NCR3: variants seen among roughly 807,000 people sequenced by gnomAD.
The protein encoded by NCR3 is NK-p30.
NCR3 carries 13 observed loss-of-function variants against 16.1 expected under a neutral mutation model. The ratio of observed to expected loss-of-function variants is 0.81; its 90% CI spans 0.53 to 1.28. The LOEUF (loss-of-function observed/expected upper bound fraction) is 1.28. Ranked by LOEUF, NCR3 falls within the 50% of genes most tolerant of loss-of-function variation. NCR3 has a pLI of 0.00. For missense variants in NCR3, 202 were observed against 256.8 expected (o/e 0.79, Z 1.46); for synonymous variants, 98 against 106.6 (o/e 0.92, Z 0.50).
At position 31,588,949 on chromosome 6, in the gene NCR3, G is replaced by T. The variant is rs952212391; in HGVS notation, c.*118C>A. The T allele has an allele frequency of 5.0e-5, 59 of 1,179,368 alleles. No individual in the cohort carries two copies. In the African/African-American group the frequency reaches 8.5e-4, roughly 17 times the overall value. The allele number at this position is 1,179,368 out of a possible 1,614,324, so 73.1% of individuals were successfully genotyped here. On this transcript the variant is annotated 3_prime_UTR_variant, in exon 4 of 4. Coordinates refer to ENST00000340027, the MANE Select transcript of NCR3 (RefSeq NM_147130.3). The stretch of plus-strand genomic sequence containing the variant: ...AGTAATTTATTGGGTGAATGACAGT[G>T]TTCAGGGACCCAAGCTCCCCTAACA...
At position 31,589,596 on chromosome 6, in the gene NCR3, A is replaced by G; in HGVS notation, c.426T>C (p.Leu142=). ...AGCTGACAGCATAGAATCCAGCCCG[A>G]AGGAGGAGGACTGTACCAGCCCCTA... ...PQLGAGTVLL[L]RAGFYAVSFL... Residue 142 remains leucine (L), a synonymous_variant, in exon 3 of 4, where the codon CTT becomes CTC. Transcript: ENST00000340027. The surrounding 1 kb of genome is among the most constrained non-coding windows in gnomAD (Gnocchi z 4.8). The G allele has an allele frequency of 6.2e-7, 1 of 1,613,694 alleles. No homozygotes were observed. Among genetic ancestry groups the G allele is most frequent in the Non-Finnish European group, 8.5e-7 (1 of 1,179,958 alleles).
Position 31,589,097 on chromosome 6 carries a change from T to G in NCR3, c.576A>C (p.Ala192=). The change falls in exon 4 of 4, where the codon GCA becomes GCC. Residue 192 remains alanine, a synonymous_variant. Transcript: ENST00000340027. This position sits in a 1 kb window ranked among gnomAD's most constrained non-coding sequence, Gnocchi z 4.8. ...APLPPPCGSS[A]HLLPPVPGG ...CTCCTGGGACTGGGGGAAGCAGATG[T>G]GCTGAGCTCCCACATGGTGGTGGGA... 1 of 1,606,386 alleles carries G rather than the reference T, an allele frequency of 6.2e-7. No individual in the cohort carries two copies. Among genetic ancestry groups the G allele is most frequent in the Non-Finnish European group, 8.5e-7 (1 of 1,175,758 alleles).
chr6:31,590,250 T>G, intron 1 of NCR3, 124 bp from the exon 2 acceptor site: 1 of 739,590 alleles, frequency 1.4e-6, no homozygotes. Context: ...ATAGATACTT[T>G]GGGTGCCTCA....
Position 31,589,414 on chromosome 6 carries a change from C to T in NCR3, c.496+112G>A. ...CTGGTCAGAGAGAGGACAGGAGCTG[C>T]TCAGTGTTGCAGTCCCGAGGCTCTC... On this transcript the variant is annotated intron_variant, in intron 3 of 3. Coordinates refer to ENST00000340027, the MANE Select transcript of NCR3 (RefSeq NM_147130.3). This position sits in a 1 kb window ranked among gnomAD's most constrained non-coding sequence, Gnocchi z 4.8. 6.4e-7 allele frequency: 1 copy of T among 1,555,058 alleles called. No individual in the cohort carries two copies. The highest frequency in any genetic ancestry group is 8.7e-7 in the Non-Finnish European group (1 of 1,148,098).
rs1233118364 is a variant in NCR3, at chr6:31,589,788, C to A, written c.382G>T (p.Glu128Ter). ...CCACCTCCCAGCATCTCACCTTTCT[C>A]CACCACCAGCCGAGTCCCATTCCCT... is the stretch of plus-strand genomic sequence containing the variant. ...GTGNGTRLVV[E>*]KEHPQLGAGT... The change falls in exon 2 of 4, where the codon GAG (glutamate) becomes TAG (stop). Residue 128 changes from glutamate to a stop codon, truncating the protein, a stop_gained. Transcript: ENST00000340027. LOFTEE classifies it high-confidence loss of function. The surrounding 1 kb of genome is among the most constrained non-coding windows in gnomAD (Gnocchi z 4.8). The A allele has an allele frequency of 6.2e-7, 1 of 1,609,646 alleles. No individual in the cohort carries two copies. The highest frequency in any genetic ancestry group is 8.5e-7 in the Non-Finnish European group (1 of 1,177,510).
chr6:31,590,054 C>A lies in NCR3; in HGVS notation c.116G>T (p.Cys39Phe). The A allele has an allele frequency of 6.2e-7, 1 of 1,612,990 alleles. No individual in the cohort carries two copies. The highest frequency in any genetic ancestry group is 8.5e-7 in the Non-Finnish European group (1 of 1,180,018). ...TLEGSSAFLP[C>F]SFNASQGRLA... ...TCTCCCTTGGCTGGCATTGAAGGAG[C>A]AGGGCAGGAAGGCAGAGGATCCTTC... The change falls in exon 2 of 4, where the codon TGC becomes TTC. Residue 39 changes from cysteine (C) to phenylalanine (F), a missense_variant. Cys to Phe is a radical substitution (Grantham distance 205, BLOSUM62 -2). Coordinates refer to ENST00000340027, the MANE Select transcript of NCR3 (RefSeq NM_147130.3).
chr6:31,592,854 C>T lies in NCR3; in HGVS notation c.-133G>A. On this transcript the variant is annotated 5_prime_UTR_variant, in exon 1 of 4. Coordinates refer to ENST00000340027, the MANE Select transcript of NCR3 (RefSeq NM_147130.3). ...GGAGCTTCCTATGACACACGGGACT[C>T]ACACATCACTTGCCAAGGACCACAA... 1 of 876,528 alleles carries T rather than the reference C, an allele frequency of 1.1e-6. No homozygotes were observed. The highest frequency in any genetic ancestry group is 1.9e-6 in the Non-Finnish European group (1 of 536,166). The allele number at this position is 876,528 out of a possible 1,614,324, so 54.3% of individuals were successfully genotyped here. A position where few individuals can be genotyped will look rare whatever the true frequency, so the allele number is the denominator to read the frequency against.
intron 1 of NCR3, 119 bp from the exon 2 acceptor site, chr6:31,590,245 T>C (rs1251834262): frequency 4.0e-6 from 3 of 757,740 alleles, no homozygotes; most frequent in African/African-American, 4.6e-5. Flanking sequence ...TGGGAATAGA[T>C]ACTTTGGGTG....
chr6:31,592,074 AC>A (rs1472307085), intron 1 of NCR3, among the ~76,000 whole-genome samples: 1 of 152,092 alleles, frequency 6.6e-6, no homozygotes, highest in Non-Finnish European at 1.5e-5. Flanking sequence ...ACATGGTAAA[AC>A]CCTGTCTCTA....
In NCR3 at chr6:31,588,914, G is replaced by T; in HGVS notation, c.*153C>A. On this transcript the variant is annotated 3_prime_UTR_variant, in exon 4 of 4. Transcript: ENST00000340027. ...CATGGCTCACCCTTCCACCCACTCT[G>T]GGGTCAAATAGTAATTTATTGGGTG... 1 of 961,080 alleles carries T rather than the reference G, an allele frequency of 1.0e-6. No individual in the cohort carries two copies. Among genetic ancestry groups the T allele is most frequent in the Non-Finnish European group, 1.5e-6 (1 of 656,158 alleles). The allele number at this position is 961,080 out of a possible 1,614,324, so 59.5% of individuals were successfully genotyped here. A position where few individuals can be genotyped will look rare whatever the true frequency, so the allele number is the denominator to read the frequency against.
chr6:31,589,354 T>C lies in NCR3; in HGVS notation c.496+172A>G. ...CTGGAATCACTCCTCGGGGCCCATCTGAGGAGTGGCAGTGTGTTCCCATGT... is the reference window on the plus strand; with the variant it reads ...CTGGAATCACTCCTCGGGGCCCATCCGAGGAGTGGCAGTGTGTTCCCATGT... On this transcript the variant is annotated intron_variant, in intron 3 of 3. Transcript: ENST00000340027. This position sits in a 1 kb window ranked among gnomAD's most constrained non-coding sequence, Gnocchi z 4.8. The C allele has an allele frequency of 1.3e-6, 2 of 1,552,390 alleles. No individual in the cohort carries two copies. The highest frequency in any genetic ancestry group is 1.7e-6 in the Non-Finnish European group (2 of 1,147,172).
rs766955871 is a variant in NCR3, at chr6:31,589,934, G to A, written c.236C>T (p.Pro79Leu). 6.2e-7 allele frequency: 1 copy of A among 1,613,110 alleles called. No individual in the cohort carries two copies. The highest frequency in any genetic ancestry group is 8.5e-7 in the Non-Finnish European group (1 of 1,180,044). ...ATGGAGGAAACGGGAAGAAGCAAGT[G>A]GGGCCAGGCGGCCCCTGAACTCTGG... ...GTPEFRGRLA[P>L]LASSRFLHDH... Residue 79 changes from proline to leucine, a missense_variant, in exon 2 of 4, where the codon CCA (proline) becomes CTA (leucine). Coordinates refer to ENST00000340027, the MANE Select transcript of NCR3 (RefSeq NM_147130.3). The surrounding 1 kb of genome is among the most constrained non-coding windows in gnomAD (Gnocchi z 4.8).
In NCR3 at chr6:31,589,092, A is replaced by G. The variant is rs1242491283; in HGVS notation, c.581T>C (p.Leu194Pro). ...TCAGCCTCCTGGGACTGGGGGAAGC[A>G]GATGTGCTGAGCTCCCACATGGTGG... ...LPPPCGSSAH[L>P]LPPVPGG Residue 194 changes from leucine to proline, a missense_variant, in exon 4 of 4, where the codon CTG becomes CCG. Coordinates refer to ENST00000340027, the MANE Select transcript of NCR3 (RefSeq NM_147130.3). This position sits in a 1 kb window ranked among gnomAD's most constrained non-coding sequence, Gnocchi z 4.8. 4 of 1,602,476 alleles carry G rather than the reference A, an allele frequency of 2.5e-6. No homozygotes were observed. Among genetic ancestry groups the G allele is most frequent in the Non-Finnish European group, 3.4e-6 (4 of 1,173,752 alleles).
rs565972999 is a variant in NCR3, at chr6:31,592,550, C to T, written c.43+129G>A. ...CACTGAGTGTCACCTTTGGAGCAGT[C>T]CCACTCCTCCCTCAGAGCCGTGTGT... On this transcript the variant is annotated intron_variant, in intron 1 of 3. Transcript: ENST00000340027. 1.3e-4 allele frequency: 126 copies of T among 941,288 alleles called. No individual in the cohort carries two copies. The South Asian group carries it at 1.7e-3, about 12-fold the overall frequency. 58.3% of individuals were successfully genotyped at this position (941,288 alleles called of 1,614,324 possible).
chr6:31,592,788 C>T lies in NCR3; in HGVS notation c.-67G>A, dbSNP rs11575838. 0.015 allele frequency: 23,407 copies of T among 1,578,802 alleles called. 253 individuals are homozygous for T. The highest frequency in any genetic ancestry group is 0.017 in the Non-Finnish European group (19,279 of 1,150,644). On this transcript the variant is annotated 5_prime_UTR_variant, in exon 1 of 4. Transcript: ENST00000340027. ...AGGTCTGGGTGGAGGAGGAAGGACT[C>T]ACTACTTGTAGCCAGGCCTTTGGTC...
chr6:31,591,775 C>G (rs1200070089), intron 1 of NCR3, among the ~76,000 whole-genome samples: 1 of 152,012 alleles, frequency 6.6e-6, no homozygotes, highest in Non-Finnish European at 1.5e-5. Context: ...GAGATACCGC[C>G]ACTGTACTCT....
chr6:31,590,442 A>C (rs998957588), intron 1 of NCR3, among the ~76,000 whole-genome samples: 1 of 152,078 alleles, frequency 6.6e-6, no homozygotes, highest in African/African-American at 2.4e-5. Flanking sequence ...TCTACTAAAA[A>C]AATACAAAAA....
At position 31,589,559 on chromosome 6, in the gene NCR3, C is replaced by T. The variant is rs765193300; in HGVS notation, c.463G>A (p.Ala155Thr). ...TGGTAATAGACGGTGCTGCCCACGG[C>T]CACAGAGAGAAAGCTGACAGCATAG... ...GFYAVSFLSV[A>T]VGSTVYYQGK... The change falls in exon 3 of 4, where the codon GCC becomes ACC. Residue 155 changes from alanine (A) to threonine (T), a missense_variant. Transcript: ENST00000340027. The surrounding 1 kb of genome is among the most constrained non-coding windows in gnomAD (Gnocchi z 4.8). 1.9e-6 allele frequency: 3 copies of T among 1,614,112 alleles called. No individual in the cohort carries two copies. Among genetic ancestry groups the T allele is most frequent in the Admixed American group, 1.7e-5 (1 of 60,014 alleles).
rs1356265339 is a variant in NCR3, at chr6:31,590,098, G to A, written c.72C>T (p.Pro24=). ...PGSCALWVSQ[P]PEIRTLEGSS... ...ATCCTTCCAGGGTACGAATCTCAGG[G>A]GGCTGGGACACCCAGAGAGCACAGG... Residue 24 remains proline (P), a synonymous_variant, in exon 2 of 4, where the codon CCC becomes CCT. Coordinates refer to ENST00000340027, the MANE Select transcript of NCR3 (RefSeq NM_147130.3). 1 of 1,612,400 alleles carries A rather than the reference G, an allele frequency of 6.2e-7. No individual in the cohort carries two copies. The highest frequency in any genetic ancestry group is 1.7e-5 in the Admixed American group (1 of 59,996).
Sources: allele counts gnomAD v4.1 joint callset (sites outside exome capture counted in the v4.1 genomes callset), GRCh38; gene constraint gnomAD v4.1.1; non-coding constraint Gnocchi (gnomAD v3.1); transcripts MANE v1.5; gene names NCBI Gene and HGNC (gene_info 2026-07-23, HGNC 2026-07-21).